DOCK7: variants seen among roughly 807,000 people sequenced by gnomAD.
DOCK7 encodes dedicator of cytokinesis protein 7.
DOCK7 carries 138 observed loss-of-function variants against 271.0 expected under a neutral mutation model. The observed-to-expected ratio is 0.51, with a 90% CI of 0.44 to 0.59. DOCK7 has a LOEUF of 0.59. DOCK7 is among the 20% of genes least tolerant of loss of function. DOCK7 has a pLI of 0.00. For synonymous variants in DOCK7, 823 were observed against 876.1 expected, an observed-to-expected ratio of 0.94 and a Z score of 1.07; for missense variants, 2,066 against 2,592.4, an observed-to-expected ratio of 0.80 and a Z score of 4.41.
At chr1:62,630,633 G>A (rs970733906) in intron 11 of DOCK7, among the ~76,000 whole-genome samples, 5 of 152,072 alleles carry the variant, frequency 3.3e-5, no homozygotes, top group African/African-American at 1.2e-4. Flanking sequence ...CAGACTTGGG[G>A]AGAACATGCA....
In DOCK7 at chr1:62,577,461, C is replaced by T. The variant is rs55838487; in HGVS notation, c.2011-98G>A. On this transcript the variant is annotated intron_variant, in intron 17 of 49. Coordinates refer to ENST00000635253, the MANE Select transcript of DOCK7 (RefSeq NM_001367561.1). ...GAACTTGGTACAAGCCAAATTTGTC[C>T]CATATCATCAAACATTAAGGGATTT... is the stretch of plus-strand genomic sequence containing the variant. The T allele has an allele frequency of 2.0e-3, 1,381 of 675,094 alleles. 18 individuals carry two copies. In the African/African-American group the frequency reaches 0.022, roughly 11 times the overall value. The allele number at this position is 675,094 out of a possible 1,614,324, so 41.8% of individuals were successfully genotyped here.
chr1:62,619,007 C>A, intron 13 of DOCK7, 139 bp from the exon 14 acceptor site: 1 of 673,974 alleles, frequency 1.5e-6, no homozygotes, highest in Non-Finnish European at 2.5e-6. Flanking sequence ...TTATTATCAT[C>A]TCATGCCTCT....
At chr1:62,576,265 G>T (rs189765124) in intron 18 of DOCK7, among the ~76,000 whole-genome samples, 1 of 152,286 alleles carries the variant, frequency 6.6e-6, no homozygotes, top group Non-Finnish European at 1.5e-5. Flanking sequence ...GAGATAAAGT[G>T]GGAGAGGCTG....
rs755232323 is a variant in DOCK7, at chr1:62,543,772, G to A, written c.2860-27C>T. The stretch of plus-strand genomic sequence containing the variant: ...TATGGAGTGAAGATGAATGAATGAC[G>A]AGATAACATTAACGTTTGCAGTGGA... On this transcript the variant is annotated intron_variant, in intron 23 of 49. Coordinates refer to ENST00000635253, the MANE Select transcript of DOCK7 (RefSeq NM_001367561.1). 9 of 1,526,404 alleles carry A rather than the reference G, an allele frequency of 5.9e-6. No homozygotes were observed. In the South Asian group the frequency reaches 7.2e-5, roughly 12 times the overall value. 94.6% of individuals were successfully genotyped at this position (1,526,404 alleles called of 1,614,324 possible). A position where few individuals can be genotyped will look rare whatever the true frequency, so the allele number is the denominator to read the frequency against.
intron 15 of DOCK7, among the ~76,000 whole-genome samples, chr1:62,585,908 T>C (rs951829684): frequency 1.3e-5 from 2 of 152,130 alleles, no homozygotes; most frequent in Non-Finnish European, 2.9e-5. Context: ...CCAATCCCCA[T>C]ACATTATGAT....
chr1:62,574,233 C>T (rs1021773649), intron 18 of DOCK7, among the ~76,000 whole-genome samples: 1 of 151,984 alleles, frequency 6.6e-6, no homozygotes, highest in African/African-American at 2.4e-5. Flanking sequence ...TGAAGAGAAC[C>T]CCAATAAATA....
chr1:62,528,929 T>C (rs933872302), intron 30 of DOCK7, among the ~76,000 whole-genome samples: 1 of 152,198 alleles, frequency 6.6e-6, no homozygotes, highest in East Asian at 1.9e-4. Context: ...TTCAATTTTA[T>C]ATATATGAAT....
At chr1:62,467,766 T>A (rs953126148) in intron 48 of DOCK7, among the ~76,000 whole-genome samples, 1 of 152,044 alleles carries the variant, frequency 6.6e-6, no homozygotes, top group South Asian at 2.1e-4. Context: ...GAAGCCAGTA[T>A]CACCCTACTA....
chr1:62,597,792 A>T, intron 14 of DOCK7: 1 of 1,613,530 alleles, frequency 6.2e-7, no homozygotes, highest in South Asian at 1.1e-5. Context: ...TCAAAAACTC[A>T]ACATATTTGA....
intron 49 of DOCK7, among the ~76,000 whole-genome samples, chr1:62,455,887 T>A (rs1255865652): frequency 6.6e-6 from 1 of 152,238 alleles, no homozygotes; most frequent in Non-Finnish European, 1.5e-5. Context: ...GAATCTTTTA[T>A]GTGGGCTATA....
chr1:62,650,237 T>C (rs908094987), intron 4 of DOCK7, among the ~76,000 whole-genome samples: 1 of 152,208 alleles, frequency 6.6e-6, no homozygotes, highest in African/African-American at 2.4e-5. Flanking sequence ...ATTGACAATC[T>C]CATCTCCCAC....
chr1:62,589,806 CG>C (rs1198704086), intron 14 of DOCK7, among the ~76,000 whole-genome samples: 1 of 150,686 alleles, frequency 6.6e-6, no homozygotes, highest in Non-Finnish European at 1.5e-5. Flanking sequence ...GGCGTGAACC[CG>C]GTAGGCGGAG....
At chr1:62,512,897 C>T (rs912167527) in intron 33 of DOCK7, among the ~76,000 whole-genome samples, 2 of 150,552 alleles carry the variant, frequency 1.3e-5, no homozygotes, top group South Asian at 2.1e-4. Flanking sequence ...GGTGACAGAG[C>T]GAGAATCTGT....
intron 14 of DOCK7, among the ~76,000 whole-genome samples, chr1:62,615,409 T>C (rs941987284): frequency 3.3e-5 from 5 of 151,994 alleles, no homozygotes; most frequent in African/African-American, 1.2e-4. Context: ...ACTAGGATCA[T>C]TTCCATAAAC....
chr1:62,533,275 G>A (rs2149380946), intron 29 of DOCK7, among the ~76,000 whole-genome samples: 1 of 152,080 alleles, frequency 6.6e-6, no homozygotes, highest in East Asian at 1.9e-4. Flanking sequence ...GCTGGAGGAA[G>A]AATTTTCTAT....
chr1:62,489,029 C>T lies in DOCK7; in HGVS notation c.5398G>A (p.Val1800Ile). ...TTAGCTTCATGAATAGGAATAAGTA[C>T]TTTGTAAACTTCATTAACTGCTTCA... The part of the protein sequence containing the change: ...MYEAVNEVYK[V>I]LIPIHEANRD... Residue 1800 changes from valine (V) to isoleucine (I), a missense_variant, in exon 42 of 50, where the codon GTA becomes ATA. Physicochemically the swap from Val to Ile is conservative, Grantham distance 29 (BLOSUM62 3). This residue lies in a region of DOCK7 where 652 missense variants were observed against 922.1 expected (regional missense o/e 0.71). Transcript: ENST00000635253. The T allele has an allele frequency of 6.2e-7, 1 of 1,604,966 alleles. No individual in the cohort carries two copies. The highest frequency in any genetic ancestry group is 8.5e-7 in the Non-Finnish European group (1 of 1,174,054).
chr1:62,652,711 T>C (rs192342391), intron 4 of DOCK7, among the ~76,000 whole-genome samples: 18 of 152,346 alleles, frequency 1.2e-4, no homozygotes, highest in East Asian at 7.7e-4. Context: ...TTTCTGATTA[T>C]AGGTTTCTAA....
intron 18 of DOCK7, among the ~76,000 whole-genome samples, chr1:62,567,964 T>C (rs1410451495): frequency 1.3e-5 from 2 of 152,160 alleles, no homozygotes; most frequent in African/African-American, 4.8e-5. Context: ...ATCTTCTCAG[T>C]GTCACATTGC....
At chr1:62,612,932 C>T (rs916626064) in intron 14 of DOCK7, among the ~76,000 whole-genome samples, 1 of 152,166 alleles carries the variant, frequency 6.6e-6, no homozygotes, top group African/African-American at 2.4e-5. Flanking sequence ...AACAATCCTG[C>T]CAAGAATACC....
Sources: gnomAD v4.1 joint callset for allele counts (sites outside exome capture counted in the v4.1 genomes callset) on GRCh38, gnomAD v4.1.1 for gene constraint, gnomAD v4.1.1 regional missense constraint, MANE v1.5 for transcripts, NCBI Gene and HGNC (gene_info 2026-07-23, HGNC 2026-07-21) for gene names.